RNF128: variants seen among roughly 807,000 people sequenced by gnomAD.
RNF128 encodes E3 ubiquitin-protein ligase RNF128.
RNF128 carries 13 observed loss-of-function variants against 26.2 expected under a neutral mutation model. The ratio of observed to expected loss-of-function variants is 0.50; its 90% CI spans 0.32 to 0.79. The LOEUF is 0.79. Ranked by LOEUF, RNF128 falls within the 30% of genes least tolerant of loss-of-function variation. The probability of loss-of-function intolerance (pLI) is 0.03; values close to 1 mark genes in which losing one functional copy is unlikely to be tolerated. For synonymous variants in RNF128, 149 were observed against 142.5 expected, an observed-to-expected ratio of 1.05 and a Z score of -0.32; for missense variants, 315 against 349.7, an observed-to-expected ratio of 0.90 and a Z score of 0.79.
chrX:106,713,898 G>A (rs896785427), intron 1 of RNF128, among the ~76,000 whole-genome samples: 5 of 111,537 alleles, frequency 4.5e-5, no homozygotes, highest in African/African-American at 6.5e-5. Context: ...TAGCAAGGCC[G>A]GGCGCGGTGG....
chrX:106,752,086 C>G (rs1929901777), intron 1 of RNF128, among the ~76,000 whole-genome samples: 2 of 106,522 alleles, frequency 1.9e-5, no homozygotes, highest in African/African-American at 3.5e-5. Context: ...CCAGACCCTA[C>G]CTCCCAGACA....
intron 2 of RNF128, among the ~76,000 whole-genome samples, chrX:106,776,323 G>A (rs891891860): frequency 3.6e-5 from 4 of 112,328 alleles, no homozygotes; most frequent in African/African-American, 1.3e-4. Context: ...TGAAACAAAA[G>A]AGGGCTGTAG....
intron 1 of RNF128, among the ~76,000 whole-genome samples, chrX:106,747,474 G>T (rs911556382): frequency 8.1e-5 from 9 of 111,335 alleles, no homozygotes; most frequent in Non-Finnish European, 1.7e-4. Flanking sequence ...AAGGATAGAA[G>T]AAATGTAGTG....
At chrX:106,765,817 TTAAC>T (rs1288396199) in intron 1 of RNF128, among the ~76,000 whole-genome samples, 10 of 110,913 alleles carry the variant, frequency 9.0e-5, no homozygotes, top group African/African-American at 2.3e-4. Flanking sequence ...GCTGCACCCA[TTAAC>T]TAACTCGTCA....
intron 4 of RNF128, among the ~76,000 whole-genome samples, chrX:106,788,424 T>C (rs1602392932): frequency 2.1e-5 from 1 of 48,737 alleles, no homozygotes; most frequent in Non-Finnish European, 3.3e-5. Context: ...ATATAATATA[T>C]ATTATATATA....
chrX:106,789,297 G>T (rs1930766430), intron 4 of RNF128, among the ~76,000 whole-genome samples: 1 of 94,813 alleles, frequency 1.1e-5, no homozygotes, highest in Non-Finnish European at 2.1e-5. Flanking sequence ...TGATAGATTA[G>T]AATAAATTTA....
chrX:106,713,951 A>G (rs761519470), intron 1 of RNF128, among the ~76,000 whole-genome samples: 67 of 111,433 alleles, frequency 6.0e-4, no homozygotes, highest in Non-Finnish European at 1.1e-3. Flanking sequence ...TGAGGCAGGC[A>G]GATCAAGAGG....
intron 1 of RNF128, among the ~76,000 whole-genome samples, chrX:106,732,422 T>C (rs747658563): frequency 8.9e-6 from 1 of 112,210 alleles, no homozygotes; most frequent in African/African-American, 3.2e-5. Context: ...CTTTGTACTA[T>C]ACATGCTCTA....
At chrX:106,754,737 C>T (rs759219537) in intron 1 of RNF128, among the ~76,000 whole-genome samples, 1 of 110,024 alleles carries the variant, frequency 9.1e-6, no homozygotes, top group African/African-American at 3.3e-5. Flanking sequence ...TTTCTTGAAA[C>T]AAGTGGAAAT....
intron 2 of RNF128, among the ~76,000 whole-genome samples, chrX:106,784,538 G>A (rs1602391148): frequency 9.0e-6 from 1 of 111,594 alleles, no homozygotes; most frequent in East Asian, 2.8e-4. Context: ...ATACCAAACA[G>A]TGTAAAGGTT....
chrX:106,775,201 C>T (rs1409044847), intron 2 of RNF128, among the ~76,000 whole-genome samples: 3 of 111,546 alleles, frequency 2.7e-5, no homozygotes. Flanking sequence ...GTATATTGTG[C>T]GGTTTTTTAT....
At chrX:106,771,344 C>T (rs932271424) in intron 1 of RNF128, among the ~76,000 whole-genome samples, 2 of 112,763 alleles carry the variant, frequency 1.8e-5, no homozygotes, top group African/African-American at 3.2e-5. Flanking sequence ...TATGCCCTAC[C>T]CCCAGAGGTG....
chrX:106,750,889 CAA>C (rs903167883), intron 1 of RNF128, among the ~76,000 whole-genome samples: 4 of 111,777 alleles, frequency 3.6e-5, no homozygotes, highest in Non-Finnish European at 5.6e-5. Flanking sequence ...AAATTTATGA[CAA>C]GAGTGAAAAA....
rs534442699 is a variant in RNF128 at position 106,757,970 on chromosome X, C to G, written c.485-14943C>G. Among the ~76,000 whole-genome samples, 199 of 111,338 alleles carry G rather than the reference C, an allele frequency of 1.8e-3. 5 individuals are homozygous for G. In the South Asian group the frequency reaches 0.071, roughly 40 times the overall value. On this transcript the variant is annotated intron_variant, in intron 1 of 6. Transcript: ENST00000255499. ...CATCAGACAAGAGAAAGAAGGGCAA[C>G]AAAATTGGAAAGGAAAAAGTCAAAT...
Position 106,700,417 on chromosome X carries a change from T to A in RNF128, c.406+6009T>A, listed in dbSNP as rs912495952. Among the ~76,000 whole-genome samples the A allele has an allele frequency of 3.6e-5, 4 of 112,093 alleles. No individual in the cohort carries two copies. The East Asian group carries it at 1.1e-3, about 31-fold the overall frequency. On this transcript the variant is annotated intron_variant, in intron 1 of 6. Coordinates refer to the RNF128 transcript ENST00000324342. ...CACGTCTGTCATGTTTGCCATTGTA[T>A]CCATTGTACAGAGCATAGTGCATGG... is the stretch of plus-strand genomic sequence containing the variant.
intron 1 of RNF128, among the ~76,000 whole-genome samples, chrX:106,758,435 T>G (rs1930064318): frequency 9.0e-6 from 1 of 111,370 alleles, no homozygotes; most frequent in Non-Finnish European, 1.9e-5. Context: ...AAAATAATTA[T>G]AGAATTTATA....
chrX:106,712,941 C>T (rs1427332725), intron 1 of RNF128, among the ~76,000 whole-genome samples: 2 of 103,173 alleles, frequency 1.9e-5, no homozygotes, highest in African/African-American at 3.6e-5. Context: ...AGTGCAGTGG[C>T]GCTATCTGGG....
At chrX:106,775,598 G>A (rs1053614715) in intron 2 of RNF128, among the ~76,000 whole-genome samples, 2 of 111,197 alleles carry the variant, frequency 1.8e-5, no homozygotes, top group African/African-American at 6.5e-5. Flanking sequence ...TATCCTTTGA[G>A]GACTAAAAGA....
intron 1 of RNF128, among the ~76,000 whole-genome samples, chrX:106,703,921 G>A: frequency 9.1e-6 from 1 of 110,378 alleles, no homozygotes; most frequent in Non-Finnish European, 1.9e-5. Flanking sequence ...AAGTGGAATG[G>A]CAACAAAAAT....
Sources: gnomAD v4.1 joint callset for allele counts (sites outside exome capture counted in the v4.1 genomes callset) on GRCh38, gnomAD v4.1.1 for gene constraint, MANE v1.5 for transcripts, NCBI Gene and HGNC (gene_info 2026-07-23, HGNC 2026-07-21) for gene names.